Variants in TMEM106B observed in about 807,000 individuals in gnomAD.
TMEM106B encodes the protein transmembrane protein 106B.
In TMEM106B, 15 loss-of-function variants were observed where a neutral mutation model predicts 31.1. The ratio of observed to expected loss-of-function variants is 0.48; its 90% CI spans 0.32 to 0.74. TMEM106B has a LOEUF of 0.74. Ranked by LOEUF, TMEM106B falls within the 30% of genes least tolerant of loss-of-function variation. TMEM106B has a pLI of 0.03. For missense variants in TMEM106B, 283 were observed against 327.3 expected, an observed-to-expected ratio of 0.86 and a Z score of 1.04; for synonymous variants, 126 against 112.5, an observed-to-expected ratio of 1.12 and a Z score of -0.76.
At chr7:12,217,356 C>T (rs770129717) in intron 2 of TMEM106B, among the ~76,000 whole-genome samples, 29 of 151,894 alleles carry the variant, frequency 1.9e-4, no homozygotes, top group Admixed American at 1.8e-3. Context: ...ATGAGGATAG[C>T]GAAGAAGATA....
intron 2 of TMEM106B, among the ~76,000 whole-genome samples, chr7:12,217,117 A>C (rs1282646747): frequency 4.6e-5 from 7 of 152,100 alleles, no homozygotes; most frequent in Admixed American, 3.9e-4. Context: ...AATTCGGGAG[A>C]TAAGAGAATT....
chr7:12,231,810 G>A, intron 7 of TMEM106B, 27 bp from the exon 8 acceptor site: 2 of 1,561,908 alleles, frequency 1.3e-6, no homozygotes, highest in Non-Finnish European at 1.7e-6. Flanking sequence ...ACTATTAAAT[G>A]TCTCTCCTCA....
rs1782233917 is a variant in TMEM106B at position 12,241,399 on chromosome 7, CT to C, written c.*9425del. 1 of 152,136 alleles carries C rather than the reference CT, an allele frequency of 6.6e-6. No individual in the cohort carries two copies. Among genetic ancestry groups the C allele is most frequent in the Non-Finnish European group, 1.5e-5 (1 of 68,054 alleles). 9.4% of individuals were successfully genotyped at this position (152,136 alleles called of 1,614,324 possible). On this transcript the variant is annotated 3_prime_UTR_variant, in exon 8 of 8. Coordinates refer to ENST00000396668, the MANE Select transcript of TMEM106B (RefSeq NM_001134232.2). ...TATTTCTACTAATGCTATCCCTCCC[CT>C]AGCCCCCTACCCCACAAAAGGCCCC...
rs920588490 is a variant in TMEM106B at position 12,234,991 on chromosome 7, T to A, written c.*3016T>A. 1.3e-5 allele frequency: 2 copies of A among 151,954 alleles called. No individual in the cohort carries two copies. The highest frequency in any genetic ancestry group is 1.3e-4 in the Admixed American group (2 of 15,220). 9.4% of individuals were successfully genotyped at this position (151,954 alleles called of 1,614,324 possible). A position where few individuals can be genotyped will look rare whatever the true frequency, so the allele number is the denominator to read the frequency against. ...CTCTGTCTCCCATATCTGTGTTCTA[T>A]CATTTAAAATATATATTGGAAATCC... On this transcript the variant is annotated 3_prime_UTR_variant, in exon 8 of 8. Coordinates refer to ENST00000396668, the MANE Select transcript of TMEM106B (RefSeq NM_001134232.2).
rs1781605189 is a variant in TMEM106B, at chr7:12,212,732, A to C, written c.-3+1307A>C. Among the ~76,000 whole-genome samples, 2 of 152,162 alleles carry C rather than the reference A, an allele frequency of 1.3e-5. 1 individual carries two copies. Among genetic ancestry groups the C allele is most frequent in the South Asian group, 4.1e-4 (2 of 4,830 alleles). On this transcript the variant is annotated intron_variant, in intron 1 of 7. Coordinates refer to ENST00000396668, the MANE Select transcript of TMEM106B (RefSeq NM_001134232.2). ...CCTTAGTGCATCCAGCACTGGAGCA[A>C]CACACATTGTACCCACCAAGCAGGC...
intron 4 of TMEM106B, among the ~76,000 whole-genome samples, 175 bp downstream of exon 4, chr7:12,224,560 A>G (rs1040674660): frequency 6.6e-6 from 1 of 152,202 alleles, no homozygotes; most frequent in African/African-American, 2.4e-5. Context: ...AAAAATAGCA[A>G]TAATAAATAC....
At chr7:12,225,473 A>G (rs1327387931) in intron 4 of TMEM106B, among the ~76,000 whole-genome samples, 5 of 152,306 alleles carry the variant, frequency 3.3e-5, no homozygotes, top group African/African-American at 1.2e-4. Flanking sequence ...GAACTAGTTT[A>G]CAGTCCCTCC....
Position 12,224,338 on chromosome 7 carries a change from T to G in TMEM106B, c.394T>G (p.Tyr132Asp), listed in dbSNP as rs139421888. Residue 132 changes from tyrosine to aspartate, a missense_variant, in exon 4 of 8, where the codon TAT (tyrosine) becomes GAT (aspartate). Physicochemically the swap from Tyr to Asp is radical, Grantham distance 160. Coordinates refer to ENST00000396668, the MANE Select transcript of TMEM106B (RefSeq NM_001134232.2). The stretch of plus-strand genomic sequence containing the variant: ...GAAATACATTGGTGTAAAATCAGCC[T>G]ATGTCAGTTATGATGTTCAGAAGCG... ...DVKYIGVKSA[Y>D]VSYDVQKRTI... The G allele has an allele frequency of 3.5e-5, 56 of 1,613,804 alleles. No individual in the cohort carries two copies. The highest frequency in any genetic ancestry group is 4.1e-5 in the Non-Finnish European group (48 of 1,179,816).
intron 3 of TMEM106B, among the ~76,000 whole-genome samples, chr7:12,222,327 C>T (rs1781804232): frequency 6.6e-6 from 1 of 152,022 alleles, no homozygotes; most frequent in African/African-American, 2.4e-5. Flanking sequence ...AGTAAACTAG[C>T]CAACTTTTCA....
rs1223136061 is a variant in TMEM106B at position 12,215,084 on chromosome 7, T to A, written c.217+57T>A. 10 of 1,491,486 alleles carry A rather than the reference T, an allele frequency of 6.7e-6. No homozygotes were observed. The Admixed American group carries it at 2.0e-4, about 29-fold the overall frequency. 92.4% of individuals were successfully genotyped at this position (1,491,486 alleles called of 1,614,324 possible). On this transcript the variant is annotated intron_variant, in intron 2 of 7. Transcript: ENST00000396668. ...TGATTTTAGGTATTTGCTCAAGTAT[T>A]ATAAAAACTGTGGGTCTCAGGAACC... is the stretch of plus-strand genomic sequence containing the variant.
chr7:12,234,788 T>TC lies in TMEM106B; in HGVS notation c.*2813_*2814insC, dbSNP rs869296239. 1 of 38,914 alleles carries TC rather than the reference T, an allele frequency of 2.6e-5. No homozygotes were observed. The highest frequency in any genetic ancestry group is 4.3e-5 in the Non-Finnish European group (1 of 23,166). 2.4% of individuals were successfully genotyped at this position (38,914 alleles called of 1,614,324 possible). On this transcript the variant is annotated 3_prime_UTR_variant, in exon 8 of 8. Coordinates refer to ENST00000396668, the MANE Select transcript of TMEM106B (RefSeq NM_001134232.2). ...CTGTATGTTGATAGCACATTGGCCC[T>TC]TTTTAGAGTTCTTTCCTATGTTTTT...
intron 7 of TMEM106B, 182 bp from the exon 8 acceptor site, chr7:12,231,655 G>A (rs890062916): frequency 4.2e-6 from 2 of 480,652 alleles, no homozygotes; most frequent in African/African-American, 1.9e-5. Context: ...GGCTCACTCA[G>A]CTATCCATTT....
At chr7:12,228,967 T>C (rs1781959769) in intron 4 of TMEM106B, among the ~76,000 whole-genome samples, 1 of 152,066 alleles carries the variant, frequency 6.6e-6, no homozygotes, top group Non-Finnish European at 1.5e-5. Context: ...TTTTGTCTTT[T>C]TCTTTTCAAT....
chr7:12,223,722 CT>C (rs34413750), intron 3 of TMEM106B, among the ~76,000 whole-genome samples: 242 of 135,590 alleles, frequency 1.8e-3, no homozygotes, highest in Admixed American at 1.9e-3. Context: ...AATGTGATTC[CT>C]TTTTTTTTTT....
rs896704289 is a variant in TMEM106B, at chr7:12,228,275, A to G, written c.442-1404A>G. On this transcript the variant is annotated intron_variant, in intron 4 of 7. Transcript: ENST00000396668. ...TACTAAAACTATTTTCTCTCCTTCA[A>G]CTCATCCCATATTGCATCTTTTCAT... is the stretch of plus-strand genomic sequence containing the variant. Among the ~76,000 whole-genome samples, 8 of 151,524 alleles carry G rather than the reference A, an allele frequency of 5.3e-5. No individual in the cohort carries two copies. In the East Asian group the frequency reaches 1.5e-3, roughly 29 times the overall value.
In TMEM106B at chr7:12,218,462, A is replaced by G; in HGVS notation, c.222A>G (p.Gln74=). 6.2e-7 allele frequency: 1 copy of G among 1,612,452 alleles called. No homozygotes were observed. Among genetic ancestry groups the G allele is most frequent in the Non-Finnish European group, 8.5e-7 (1 of 1,179,196 alleles). ...ACTTACTTCTTTCACATTTAGGGCA[A>G]GAAAACCAACTGGTGGCATTGATTC... ...CQGTGRIPRG[Q]ENQLVALIPY... is the part of the protein sequence containing the mutation. Residue 74 remains glutamine, a synonymous_variant, in exon 3 of 8, where the codon CAA becomes CAG. Coordinates refer to ENST00000396668, the MANE Select transcript of TMEM106B (RefSeq NM_001134232.2).
chr7:12,222,688 TGA>T (rs1315896939), intron 3 of TMEM106B, among the ~76,000 whole-genome samples: 1 of 152,192 alleles, frequency 6.6e-6, no homozygotes, highest in Non-Finnish European at 1.5e-5. Flanking sequence ...CTACTCAGGT[TGA>T]GAGAGTCCAA....
intron 4 of TMEM106B, among the ~76,000 whole-genome samples, 163 bp from the exon 5 acceptor site, chr7:12,229,516 G>A (rs763133419): frequency 9.9e-5 from 15 of 151,972 alleles, no homozygotes; most frequent in Admixed American, 3.9e-4. Flanking sequence ...CATAGTACTC[G>A]TGCATAAAAC....
chr7:12,230,350 G>C, intron 5 of TMEM106B, 39 bp from the exon 6 acceptor site: 1 of 1,438,356 alleles, frequency 7.0e-7, no homozygotes, highest in Non-Finnish European at 9.8e-7. Flanking sequence ...TTGATGTTTT[G>C]ATCTTGTTCT....
Sources: gnomAD v4.1 joint callset for allele counts (sites outside exome capture counted in the v4.1 genomes callset) on GRCh38, gnomAD v4.1.1 for gene constraint, MANE v1.5 for transcripts, NCBI Gene and HGNC (gene_info 2026-07-23, HGNC 2026-07-21) for gene names.